Variants in MYPN observed in about 807,000 individuals in gnomAD.
MYPN encodes the protein sarcomeric protein myopalladin, 145 kDa (MYOP).
In MYPN, 63 loss-of-function variants were observed where a neutral mutation model predicts 129.4. The ratio of observed to expected loss-of-function variants is 0.49; its 90% CI spans 0.40 to 0.60. The LOEUF is 0.60. Ranked by LOEUF, MYPN falls within the 20% of genes least tolerant of loss-of-function variation. The pLI is 0.00. For synonymous variants in MYPN, 629 were observed against 600.9 expected, an observed-to-expected ratio of 1.05 and a Z score of -0.68; for missense variants, 1,596 against 1,635.4, an observed-to-expected ratio of 0.98 and a Z score of 0.42.
intron 2 of MYPN, among the ~76,000 whole-genome samples, chr10:68,124,809 G>C (rs1278381823): frequency 2.0e-5 from 3 of 152,248 alleles, no homozygotes; most frequent in East Asian, 3.9e-4. Flanking sequence ...TGTAGCAAAG[G>C]GTTGGAACTG....
intron 7 of MYPN, among the ~76,000 whole-genome samples, chr10:68,159,368 AT>A (rs2042936130): frequency 6.6e-6 from 1 of 152,226 alleles, no homozygotes; most frequent in Admixed American, 6.5e-5. Context: ...AGTGTTAACC[AT>A]TTTATTAAAA....
chr10:68,117,440 T>G (rs985297894), intron 1 of MYPN, among the ~76,000 whole-genome samples: 1 of 152,094 alleles, frequency 6.6e-6, no homozygotes, highest in African/African-American at 2.4e-5. Flanking sequence ...GACAGTGAGC[T>G]TTGGGAGCAC....
chr10:68,158,216 C>T (rs1400663362), intron 6 of MYPN: 3 of 421,246 alleles, frequency 7.1e-6, no homozygotes, highest in South Asian at 2.7e-5. Flanking sequence ...GCTGTGCGCT[C>T]AGTGGAAGAA....
intron 6 of MYPN, among the ~76,000 whole-genome samples, chr10:68,156,465 A>G (rs555695562): frequency 4.9e-4 from 75 of 152,322 alleles, no homozygotes; most frequent in African/African-American, 1.7e-3. Flanking sequence ...ATAGTTCTTT[A>G]TTAATTCAGA....
chr10:68,113,696 CAA>C (rs565475209), intron 1 of MYPN, among the ~76,000 whole-genome samples: 17 of 127,254 alleles, frequency 1.3e-4, no homozygotes, highest in Non-Finnish European at 1.5e-4. Context: ...GATCTTGCCT[CAA>C]AAAAAAAAAA....
In MYPN at chr10:68,135,295, C is replaced by G. The variant is rs189141244; in HGVS notation, c.903-7645C>G. On this transcript the variant is annotated intron_variant, in intron 2 of 19. Coordinates refer to ENST00000358913, the MANE Select transcript of MYPN (RefSeq NM_032578.4). ...AATAACACTTAAAACATAGACATAT[C>G]CTCCCACTTACACTCCTACCCTCCC... 1.2e-4 allele frequency among the ~76,000 whole-genome samples: 19 copies of G among 152,270 alleles called. No homozygotes were observed. In the East Asian group the frequency reaches 2.5e-3, roughly 20 times the overall value.
At chr10:68,180,921 T>TA (rs531498001) in intron 12 of MYPN, among the ~76,000 whole-genome samples, 24 of 152,286 alleles carry the variant, frequency 1.6e-4, no homozygotes, top group East Asian at 1.5e-3. Flanking sequence ...TTATCTTTTT[T>TA]AAAAAAATGG....
intron 1 of MYPN, among the ~76,000 whole-genome samples, chr10:68,116,052 C>T (rs1455790423): frequency 6.6e-6 from 1 of 152,110 alleles, no homozygotes; most frequent in East Asian, 1.9e-4. Flanking sequence ...TTAATATTTT[C>T]CCTACTAGAA....
intron 2 of MYPN, among the ~76,000 whole-genome samples, chr10:68,141,294 G>A (rs552975044): frequency 8.2e-4 from 124 of 152,058 alleles, no homozygotes; most frequent in Non-Finnish European, 1.5e-3. Context: ...GCTTGAACCC[G>A]GGGGGCAGAG....
At chr10:68,179,172 T>C (rs913438331) in intron 12 of MYPN, among the ~76,000 whole-genome samples, 7 of 152,346 alleles carry the variant, frequency 4.6e-5, no homozygotes, top group African/African-American at 1.7e-4. Flanking sequence ...GAATTCTTTA[T>C]GACAATCCTC....
upstream of MYPN, chr10:68,106,198 A>T: frequency 2.2e-6 from 1 of 453,842 alleles, no homozygotes; most frequent in Non-Finnish European, 4.4e-6. Flanking sequence ...CCACAAATTT[A>T]CTTCTCAGGA....
At chr10:68,206,960 T>G in intron 19 of MYPN, 57 bp downstream of exon 19, 8 of 1,605,356 alleles carry the variant, frequency 5.0e-6, no homozygotes, top group Non-Finnish European at 6.8e-6. Context: ...TAAAAATATT[T>G]TTTTAAAGAT....
intron 10 of MYPN, among the ~76,000 whole-genome samples, chr10:68,169,970 C>T (rs1386185392): frequency 6.6e-6 from 1 of 152,102 alleles, no homozygotes; most frequent in Non-Finnish European, 1.5e-5. Flanking sequence ...AAATGCCTGA[C>T]CCTGTGATCT....
chr10:68,123,352 C>G (rs1014939730), intron 2 of MYPN, among the ~76,000 whole-genome samples: 6 of 151,736 alleles, frequency 4.0e-5, no homozygotes, highest in Admixed American at 3.9e-4. Flanking sequence ...GCACTCCAGC[C>G]TGGGCTACAG....
In MYPN at chr10:68,119,603, G is replaced by A. The variant is rs931563590; in HGVS notation, c.-1-1835G>A. Among the ~76,000 whole-genome samples, 11 of 152,148 alleles carry A rather than the reference G, an allele frequency of 7.2e-5. No individual in the cohort carries two copies. In the East Asian group the frequency reaches 2.1e-3, roughly 29 times the overall value. On this transcript the variant is annotated intron_variant, in intron 1 of 19. Coordinates refer to ENST00000358913, the MANE Select transcript of MYPN (RefSeq NM_032578.4). Reference sequence around the variant, plus strand: ...TTTTTTGTATTTTTGGTAGAGACAGGGTTTCACCATGCTGCCCAGGCTGGT... The same window carrying A: ...TTTTTTGTATTTTTGGTAGAGACAGAGTTTCACCATGCTGCCCAGGCTGGT...
At chr10:68,102,655 A>C (rs930594441), upstream of MYPN, among the ~76,000 whole-genome samples, 3 of 152,156 alleles carry the variant, frequency 2.0e-5, no homozygotes, top group Non-Finnish European at 4.4e-5. Context: ...GGGAAATCGA[A>C]TGGCAGTCTG....
intron 12 of MYPN, among the ~76,000 whole-genome samples, chr10:68,186,034 TTTAA>T (rs1473115308): frequency 6.6e-6 from 1 of 152,252 alleles, no homozygotes; most frequent in Non-Finnish European, 1.5e-5. Flanking sequence ...TAGTGGAAGC[TTTAA>T]TTGTTAACTT....
chr10:68,198,538 C>T (rs1395181278), intron 16 of MYPN, among the ~76,000 whole-genome samples: 1 of 152,066 alleles, frequency 6.6e-6, no homozygotes, highest in Non-Finnish European at 1.5e-5. Flanking sequence ...ATCTGTGGTT[C>T]TTCTTCTCTC....
chr10:68,097,584 C>T (rs1440569043), intron 1 of MYPN, among the ~76,000 whole-genome samples: 3 of 152,184 alleles, frequency 2.0e-5, no homozygotes, highest in African/African-American at 7.2e-5. Context: ...TTAAGTCTCA[C>T]AGCATTCCTA....
Sources: allele counts gnomAD v4.1 joint callset (sites outside exome capture counted in the v4.1 genomes callset), GRCh38; gene constraint gnomAD v4.1.1; transcripts MANE v1.5; gene names NCBI Gene and HGNC (gene_info 2026-07-23, HGNC 2026-07-21).